Variants in AGBL4 observed in about 807,000 individuals in gnomAD.
AGBL4 encodes cytosolic carboxypeptidase 6.
A neutral mutation model predicts 66.4 loss-of-function variants in AGBL4; 58 were observed. The observed-to-expected ratio is 0.87, with a 90% CI of 0.71 to 1.09. The LOEUF is 1.09. AGBL4 is among the 50% of genes least tolerant of loss of function. The pLI is 0.00. For missense variants in AGBL4, 579 were observed against 631.0 expected (o/e 0.92, Z 0.88); for synonymous variants, 234 against 222.9 (o/e 1.05, Z -0.44).
At chr1:49,045,455 T>C in intron 5 of AGBL4, 129 bp downstream of exon 5, 1 of 637,802 alleles carries the variant, frequency 1.6e-6, no homozygotes, top group Non-Finnish European at 2.7e-6. Context: ...TAATTGTAGT[T>C]AGTAAATTAT....
chr1:49,160,713 C>A (rs1475254019), intron 4 of AGBL4, among the ~76,000 whole-genome samples: 2 of 152,228 alleles, frequency 1.3e-5, no homozygotes, highest in African/African-American at 4.8e-5. Flanking sequence ...AAGCCCCTGA[C>A]TGGGGCTTCT....
chr1:49,929,391 G>A (rs1005808632), intron 1 of AGBL4, among the ~76,000 whole-genome samples: 2 of 151,814 alleles, frequency 1.3e-5, no homozygotes, highest in South Asian at 2.1e-4. Context: ...TGTAAGAATA[G>A]CTTATTTCTT....
the AGBL4 span, among the ~76,000 whole-genome samples, chr1:48,526,387 A>G: frequency 6.6e-6 from 1 of 152,294 alleles, no homozygotes; most frequent in East Asian, 1.9e-4. Flanking sequence ...CAGGGAAATG[A>G]GGAGAATAAT....
Position 48,748,087 on chromosome 1 carries a change from A to G in AGBL4, c.635-84846T>C, listed in dbSNP as rs79127277. Among the ~76,000 whole-genome samples the G allele has an allele frequency of 9.1e-3, 1,393 of 152,310 alleles. 23 individuals are homozygous for G. The highest frequency in any genetic ancestry group is 0.032 in the African/African-American group (1,311 of 41,558). On this transcript the variant is annotated intron_variant, in intron 6 of 13. Coordinates refer to ENST00000371839, the MANE Select transcript of AGBL4 (RefSeq NM_032785.4). ...ACATCTGCTGTGGCACACAGAAAGT[A>G]CTAGATTTGGCAGAATAGAGATGAT...
intron 2 of AGBL4, among the ~76,000 whole-genome samples, chr1:49,765,413 A>G (rs1652661611): frequency 6.6e-6 from 1 of 152,150 alleles, no homozygotes; most frequent in African/African-American, 2.4e-5. Flanking sequence ...AGGAAAAGAA[A>G]AAGAAAAATA....
At chr1:48,623,525 A>G (rs320035) in intron 9 of AGBL4, among the ~76,000 whole-genome samples, 75,836 of 152,220 alleles carry the variant, frequency 0.5, 20,967 homozygotes, top group Middle Eastern at 0.68. Flanking sequence ...ACCACAGTAA[A>G]TAATGGACAA....
intron 6 of AGBL4, among the ~76,000 whole-genome samples, chr1:48,791,659 T>G (rs1645553497): frequency 6.6e-6 from 1 of 152,206 alleles, no homozygotes; most frequent in African/African-American, 2.4e-5. Context: ...TACTGCCCAT[T>G]AGCTGTGCAG....
intron 2 of AGBL4, among the ~76,000 whole-genome samples, chr1:49,751,658 C>T (rs1651479838): frequency 6.6e-6 from 1 of 152,164 alleles, no homozygotes; most frequent in Admixed American, 6.5e-5. Context: ...AGGAATGGCA[C>T]CCGCTCCTCT....
At position 49,541,577 on chromosome 1, in the gene AGBL4, G is replaced by A. The variant is rs1265050968; in HGVS notation, c.282+155736C>T. On this transcript the variant is annotated intron_variant, in intron 3 of 13. Transcript: ENST00000371839. ...GCCTCAGCTGCCTCTCCGCGGGGCA[G>A]GGCTCGGGACCTGCAGCCCACCATG... 6.6e-5 allele frequency among the ~76,000 whole-genome samples: 10 copies of A among 152,204 alleles called. No homozygotes were observed. The East Asian group carries it at 1.7e-3, about 26-fold the overall frequency.
intron 2 of AGBL4, among the ~76,000 whole-genome samples, chr1:49,706,779 T>C (rs182908794): frequency 6.6e-6 from 1 of 152,292 alleles, no homozygotes; most frequent in Admixed American, 6.5e-5. Context: ...AGAACTTCTT[T>C]ATTTCTGCCC....
chr1:49,281,836 C>G (rs1293773878), intron 3 of AGBL4, among the ~76,000 whole-genome samples: 4 of 152,178 alleles, frequency 2.6e-5, no homozygotes, highest in African/African-American at 9.7e-5. Flanking sequence ...AGCCCCAAAC[C>G]CTTTTCTATA....
intron 3 of AGBL4, among the ~76,000 whole-genome samples, chr1:49,344,187 A>G (rs1303805008): frequency 2.0e-5 from 3 of 152,308 alleles, no homozygotes; most frequent in Middle Eastern, 3.4e-3. Flanking sequence ...GTTTTCCACC[A>G]AAAGTAAGTT....
intron 6 of AGBL4, among the ~76,000 whole-genome samples, chr1:48,746,097 T>C (rs1193609630): frequency 1.3e-5 from 2 of 152,198 alleles, no homozygotes; most frequent in Admixed American, 1.3e-4. Flanking sequence ...TTAACCTCTC[T>C]GATCTTGTTG....
At chr1:49,318,386 AGATGATGATGAT>A (rs3052048) in intron 3 of AGBL4, among the ~76,000 whole-genome samples, 30 of 148,784 alleles carry the variant, frequency 2.0e-4, no homozygotes, top group South Asian at 6.4e-4. Context: ...ATTTAAATGC[AGATGATGATGAT>A]GATGATGATG....
Position 49,450,538 on chromosome 1 carries a change from G to T in AGBL4, c.283-204674C>A, listed in dbSNP as rs192538402. On this transcript the variant is annotated intron_variant, in intron 3 of 13. Coordinates refer to ENST00000371839, the MANE Select transcript of AGBL4 (RefSeq NM_032785.4). ...AGGTATTTCAGAAATGTCTGATGGG[G>T]TCATTCATTTATTCATTCAACATAC... Among the ~76,000 whole-genome samples the T allele has an allele frequency of 1.4e-4, 22 of 152,190 alleles. No individual in the cohort carries two copies. In the East Asian group the frequency reaches 4.3e-3, roughly 29 times the overall value.
intron 1 of AGBL4, among the ~76,000 whole-genome samples, chr1:49,938,811 A>G (rs1379640802): frequency 6.6e-6 from 1 of 152,038 alleles, no homozygotes; most frequent in Non-Finnish European, 1.5e-5. Flanking sequence ...CGTGCTAAAA[A>G]CTCTCAATAA....
chr1:49,777,249 T>C (rs1413685946), intron 2 of AGBL4, among the ~76,000 whole-genome samples: 2 of 152,064 alleles, frequency 1.3e-5, no homozygotes, highest in East Asian at 3.9e-4. Context: ...AATAATCATT[T>C]AGACCCATAA....
At chr1:48,954,431 C>G (rs1421568036) in intron 5 of AGBL4, among the ~76,000 whole-genome samples, 1 of 152,174 alleles carries the variant, frequency 6.6e-6, no homozygotes, top group Non-Finnish European at 1.5e-5. Context: ...GCTATTCAGT[C>G]TTTATTATGT....
intron 1 of AGBL4, among the ~76,000 whole-genome samples, chr1:49,923,533 A>G (rs555301771): frequency 6.6e-6 from 1 of 152,342 alleles, no homozygotes; most frequent in East Asian, 1.9e-4. Flanking sequence ...GAAAACCTAC[A>G]GAATGGGAGA....
Sources: gnomAD v4.1 joint callset for allele counts (sites outside exome capture counted in the v4.1 genomes callset) on GRCh38, gnomAD v4.1.1 for gene constraint, MANE v1.5 for transcripts, NCBI Gene and HGNC (gene_info 2026-07-23, HGNC 2026-07-21) for gene names.